Variants in PPP1R12A observed in about 807,000 individuals in gnomAD.
PPP1R12A encodes protein phosphatase 1 regulatory subunit 12A, also known as myosin binding subunit.
A neutral mutation model predicts 139.6 loss-of-function variants in PPP1R12A; 19 were observed. The ratio of observed to expected loss-of-function variants is 0.14; its 90% CI spans 0.09 to 0.20. The LOEUF (loss-of-function observed/expected upper bound fraction) is 0.20, where lower values mean the gene tolerates loss of function less well. PPP1R12A is among the 10% of genes least tolerant of loss of function. The probability of loss-of-function intolerance (pLI) is 1.00; values close to 1 mark genes in which losing one functional copy is unlikely to be tolerated. For missense variants in PPP1R12A, 925 were observed against 1,211.5 expected (o/e 0.76, Z 3.51); for synonymous variants, 427 against 420.6 (o/e 1.02, Z -0.19).
intron 1 of PPP1R12A, among the ~76,000 whole-genome samples, chr12:79,876,870 G>A (rs753489197): frequency 7.9e-5 from 12 of 152,132 alleles, no homozygotes; most frequent in Admixed American, 1.3e-4. Flanking sequence ...AACTAGCCAC[G>A]CATGGTGGCA....
intron 4 of PPP1R12A, among the ~76,000 whole-genome samples, chr12:79,829,189 T>C (rs1242683218): frequency 6.6e-6 from 1 of 152,128 alleles, no homozygotes; most frequent in Non-Finnish European, 1.5e-5. Context: ...TATTTAGACA[T>C]TAAGCTCACA....
chr12:79,886,709 CA>C (rs1430061728), intron 1 of PPP1R12A, among the ~76,000 whole-genome samples: 1 of 151,966 alleles, frequency 6.6e-6, no homozygotes, highest in East Asian at 1.9e-4. Flanking sequence ...CAATTCAAGA[CA>C]AAAAACCCAC....
rs192609061 is a variant in PPP1R12A at position 79,807,232 on chromosome 12, T to C, written c.1649A>G (p.His550Arg). The change falls in exon 12 of 25, where the codon CAT (histidine) becomes CGT (arginine). Residue 550 changes from histidine (H) to arginine (R), a missense_variant. His to Arg is a conservative substitution (Grantham distance 29, BLOSUM62 0). Coordinates refer to ENST00000450142, the MANE Select transcript of PPP1R12A (RefSeq NM_002480.3). ...NSSVNEGSTY[H>R]KSCSFGRRQD... ...TTAAGAATAGTATTATTACCTTTTA[T>C]GATACGTTGATCCTTCATTAACTGA... 5 of 1,510,278 alleles carry C rather than the reference T, an allele frequency of 3.3e-6. No homozygotes were observed. In the African/African-American group the frequency reaches 6.9e-5, roughly 21 times the overall value. 93.6% of individuals were successfully genotyped at this position (1,510,278 alleles called of 1,614,324 possible).
intron 11 of PPP1R12A, 28 bp downstream of exon 11, chr12:79,808,455 T>A: frequency 7.1e-7 from 1 of 1,414,198 alleles, no homozygotes. Context: ...TTATAGTGAA[T>A]GCATAAAGCA....
At chr12:79,883,170 C>T (rs187957367) in intron 1 of PPP1R12A, among the ~76,000 whole-genome samples, 4 of 152,150 alleles carry the variant, frequency 2.6e-5, no homozygotes, top group Admixed American at 1.3e-4. Flanking sequence ...AAAAAAAACC[C>T]TCCACCAGCA....
intron 1 of PPP1R12A, among the ~76,000 whole-genome samples, chr12:79,889,588 C>G (rs1884408267): frequency 6.6e-6 from 1 of 152,138 alleles, no homozygotes; most frequent in Non-Finnish European, 1.5e-5. Context: ...TGCACTGGTT[C>G]TAAACTTTTC....
At chr12:79,920,201 C>T (rs1466201407) in intron 1 of PPP1R12A, among the ~76,000 whole-genome samples, 1 of 152,192 alleles carries the variant, frequency 6.6e-6, no homozygotes, top group East Asian at 1.9e-4. Flanking sequence ...ATCAGCATCC[C>T]CTTTTTGCTA....
In PPP1R12A at chr12:79,889,590, A is replaced by G. The variant is rs529752925; in HGVS notation, c.238-16652T>C. ...TTTGATACAATTCTGCACTGGTTCT[A>G]AACTTTTCTTGCCAATCCTTGAATA... On this transcript the variant is annotated intron_variant, in intron 1 of 24. Coordinates refer to ENST00000450142, the MANE Select transcript of PPP1R12A (RefSeq NM_002480.3). Among the ~76,000 whole-genome samples the G allele has an allele frequency of 1.6e-4, 24 of 152,292 alleles. No homozygotes were observed. In the East Asian group the frequency reaches 4.6e-3, roughly 29 times the overall value.
At chr12:79,914,877 T>A (rs1047084271) in intron 1 of PPP1R12A, among the ~76,000 whole-genome samples, 15 of 152,004 alleles carry the variant, frequency 9.9e-5, no homozygotes, top group African/African-American at 3.6e-4. Flanking sequence ...AAAATCTGGA[T>A]TTGTTAGAAA....
In PPP1R12A at chr12:79,837,341, T is replaced by C. The variant is rs531336831; in HGVS notation, c.488-4850A>G. On this transcript the variant is annotated intron_variant, in intron 3 of 24. Coordinates refer to ENST00000450142, the MANE Select transcript of PPP1R12A (RefSeq NM_002480.3). The stretch of plus-strand genomic sequence containing the variant: ...AGTCAGCAACAGATTCAAAAATTAA[T>C]GTGTCCCTAGATAAATAAAGAAAAT... Among the ~76,000 whole-genome samples the C allele has an allele frequency of 7.6e-4, 116 of 152,272 alleles. 1 individual carries two copies. The highest frequency in any genetic ancestry group is 2.8e-3 in the African/African-American group (115 of 41,576).
intron 5 of PPP1R12A, 111 bp downstream of exon 5, chr12:79,828,209 T>C: frequency 1.1e-6 from 1 of 905,122 alleles, no homozygotes; most frequent in Non-Finnish European, 1.5e-6. Flanking sequence ...TTAATAAAAA[T>C]ATAATTATAT....
chr12:79,779,309 G>C, intron 23 of PPP1R12A: 1 of 1,288,874 alleles, frequency 7.8e-7, no homozygotes, highest in East Asian at 5.6e-5. Flanking sequence ...TGTAAAACTG[G>C]TTAGGTCATA....
intron 1 of PPP1R12A, among the ~76,000 whole-genome samples, chr12:79,894,965 AT>A (rs993709414): frequency 6.6e-6 from 1 of 152,068 alleles, no homozygotes; most frequent in Admixed American, 6.6e-5. Flanking sequence ...ATTTGCCAAA[AT>A]TTTTTTTAAA....
chr12:79,799,351 T>C (rs1407256573), intron 14 of PPP1R12A, among the ~76,000 whole-genome samples: 1 of 152,122 alleles, frequency 6.6e-6, no homozygotes, highest in Non-Finnish European at 1.5e-5. Flanking sequence ...GTTTCATCCA[T>C]GTTGGCCAGG....
chr12:79,922,697 C>T (rs1022905738), intron 1 of PPP1R12A, among the ~76,000 whole-genome samples: 3 of 151,954 alleles, frequency 2.0e-5, no homozygotes, highest in African/African-American at 7.3e-5. Flanking sequence ...GGCTCAGGGG[C>T]AAGGGTAGGG....
chr12:79,855,403 A>G (rs759430549), intron 2 of PPP1R12A, among the ~76,000 whole-genome samples: 22 of 152,148 alleles, frequency 1.4e-4, no homozygotes, highest in Non-Finnish European at 2.8e-4. Context: ...AGAAAATTTC[A>G]TGTCTTTGTT....
chr12:79,796,211 T>C (rs542283776), intron 17 of PPP1R12A, among the ~76,000 whole-genome samples: 1 of 152,144 alleles, frequency 6.6e-6, no homozygotes, highest in Non-Finnish European at 1.5e-5. Context: ...AATGCCTATA[T>C]TTAGTACTTA....
At chr12:79,926,792 T>TC (rs1171216194) in intron 1 of PPP1R12A, among the ~76,000 whole-genome samples, 2 of 151,816 alleles carry the variant, frequency 1.3e-5, no homozygotes, top group African/African-American at 2.4e-5. Context: ...AGGGACTTCT[T>TC]CCCCCCCACC....
At chr12:79,926,617 ATTAT>A (rs771464627) in intron 1 of PPP1R12A, among the ~76,000 whole-genome samples, 22 of 152,310 alleles carry the variant, frequency 1.4e-4, no homozygotes, top group South Asian at 8.3e-4. Context: ...CACTTACCCA[ATTAT>A]TTAATATTCT....
Sources: allele counts gnomAD v4.1 joint callset (sites outside exome capture counted in the v4.1 genomes callset), GRCh38; gene constraint gnomAD v4.1.1; transcripts MANE v1.5; gene names NCBI Gene and HGNC (gene_info 2026-07-23, HGNC 2026-07-21).